The following PRPSAP2 variants were observed in gnomAD, a reference collection of about 807,000 sequenced individuals.
PRPSAP2 encodes the protein phosphoribosyl pyrophosphate synthase-associated protein 2.
PRPSAP2 carries 24 observed loss-of-function variants against 40.6 expected under a neutral mutation model. The ratio of observed to expected loss-of-function variants is 0.59; its 90% CI spans 0.43 to 0.83. The LOEUF (loss-of-function observed/expected upper bound fraction) is 0.83. PRPSAP2 is among the 40% of genes least tolerant of loss of function. The pLI, the probability that PRPSAP2 is intolerant of heterozygous loss-of-function variation, is 0.00. For synonymous variants in PRPSAP2, 149 were observed against 164.7 expected (o/e 0.90, Z 0.73); for missense variants, 292 against 465.6 (o/e 0.63, Z 3.43).
At chr17:18,928,640 G>A in intron 10 of PRPSAP2, 171 bp from the exon 11 acceptor site, 1 of 747,834 alleles carries the variant, frequency 1.3e-6, no homozygotes, top group South Asian at 1.5e-5. Flanking sequence ...GTACTGGAGG[G>A]CTGCCATGGG....
intron 6 of PRPSAP2, 125 bp downstream of exon 6, chr17:18,877,995 C>A: frequency 9.6e-7 from 1 of 1,042,638 alleles, no homozygotes; most frequent in Non-Finnish European, 1.4e-6. Context: ...GATCATAGCT[C>A]ACTGCAACTT....
intron 8 of PRPSAP2, among the ~76,000 whole-genome samples, chr17:18,910,365 T>C (rs190504745): frequency 8.6e-4 from 130 of 152,012 alleles, no homozygotes; most frequent in African/African-American, 3.0e-3. Flanking sequence ...GAGGTTGCAG[T>C]GAACTGAGAA....
intron 7 of PRPSAP2, among the ~76,000 whole-genome samples, chr17:18,887,467 G>A (rs1204622495): frequency 2.0e-5 from 3 of 151,464 alleles, no homozygotes; most frequent in African/African-American, 7.3e-5. Context: ...TGGCTCAGAT[G>A]TTCTGCCCAC....
intron 6 of PRPSAP2, among the ~76,000 whole-genome samples, 153 bp downstream of exon 6, chr17:18,878,023 C>T (rs891738712): frequency 6.6e-6 from 1 of 152,066 alleles, no homozygotes; most frequent in Non-Finnish European, 1.5e-5. Context: ...TACAGTCAAG[C>T]AGTCCACCAG....
intron 5 of PRPSAP2, among the ~76,000 whole-genome samples, chr17:18,873,008 AT>A (rs2151895501): frequency 6.6e-6 from 1 of 151,516 alleles, no homozygotes; most frequent in African/African-American, 2.4e-5. Context: ...CGCCTGGCTA[AT>A]TTTTGTATTT....
In PRPSAP2 at chr17:18,870,956, A is replaced by G. The variant is rs541017489; in HGVS notation, c.173-1627A>G. ...GTGAGACACCGCACCCAGCCCAACA[A>G]CAATTCTTTAATCATCTAATATATG... On this transcript the variant is annotated intron_variant, in intron 4 of 11. Transcript: ENST00000268835. Among the ~76,000 whole-genome samples the G allele has an allele frequency of 2.6e-5, 4 of 151,674 alleles. No homozygotes were observed. The South Asian group carries it at 8.3e-4, about 32-fold the overall frequency.
At position 18,882,689 on chromosome 17, in the gene PRPSAP2, C is replaced by A; in HGVS notation, c.528+6C>A. The A allele has an allele frequency of 6.6e-7, 1 of 1,507,926 alleles. No homozygotes were observed. The highest frequency in any genetic ancestry group is 9.2e-7 in the Non-Finnish European group (1 of 1,089,504). 93.4% of individuals were successfully genotyped at this position (1,507,926 alleles called of 1,614,324 possible). On this transcript the variant is annotated splice_donor_region_variant and intron_variant, in intron 7 of 11. Coordinates refer to ENST00000268835, the MANE Select transcript of PRPSAP2 (RefSeq NM_002767.4). ...TACAGTATATTCAAGAAGAGGTGAG[C>A]TAGCTCAAACTTTTTTATTTTAACA...
chr17:18,862,231 G>A (rs929473886), intron 1 of PRPSAP2, among the ~76,000 whole-genome samples: 3 of 152,188 alleles, frequency 2.0e-5, no homozygotes, highest in Admixed American at 6.5e-5. Context: ...GGCCCTCAGC[G>A]GATGTGGGCA....
chr17:18,875,727 G>A (rs1437542108), intron 5 of PRPSAP2, among the ~76,000 whole-genome samples: 6 of 151,686 alleles, frequency 4.0e-5, no homozygotes, highest in Admixed American at 6.6e-5. Flanking sequence ...GGTGATATGC[G>A]CTTCTAATTC....
intron 8 of PRPSAP2, among the ~76,000 whole-genome samples, chr17:18,909,435 G>A (rs1023733054): frequency 5.9e-5 from 9 of 151,796 alleles, no homozygotes; most frequent in Admixed American, 1.3e-4. Flanking sequence ...TAGTAGAGAC[G>A]GGGTTTCACC....
intron 8 of PRPSAP2, among the ~76,000 whole-genome samples, chr17:18,900,993 T>C (rs2040234797): frequency 6.6e-6 from 1 of 152,150 alleles, no homozygotes; most frequent in South Asian, 2.1e-4. Flanking sequence ...TTTGGCCTTC[T>C]GTGAAACCAC....
chr17:18,862,933 G>C (rs2037139234), intron 1 of PRPSAP2, among the ~76,000 whole-genome samples: 1 of 151,446 alleles, frequency 6.6e-6, no homozygotes, highest in South Asian at 2.1e-4. Flanking sequence ...CCATTTTCCT[G>C]CCTCAGCCTC....
chr17:18,863,394 C>G (rs1324487792), intron 1 of PRPSAP2, among the ~76,000 whole-genome samples: 3 of 151,766 alleles, frequency 2.0e-5, no homozygotes, highest in African/African-American at 4.8e-5. Flanking sequence ...CCTGGCCATA[C>G]CTTTTGTTCT....
At chr17:18,875,860 A>G (rs1225500112) in intron 5 of PRPSAP2, among the ~76,000 whole-genome samples, 1 of 151,098 alleles carries the variant, frequency 6.6e-6, no homozygotes, top group Non-Finnish European at 1.5e-5. Flanking sequence ...TCTCAAAAAA[A>G]AAAAAAAAAA....
intron 9 of PRPSAP2, among the ~76,000 whole-genome samples, chr17:18,920,766 T>C (rs1229299154): frequency 1.3e-5 from 2 of 152,178 alleles, no homozygotes; most frequent in African/African-American, 4.8e-5. Flanking sequence ...TATATAATAT[T>C]TGAAAATATT....
chr17:18,866,335 C>T (rs546731893), intron 3 of PRPSAP2, among the ~76,000 whole-genome samples: 19 of 152,126 alleles, frequency 1.2e-4, no homozygotes, highest in Admixed American at 4.6e-4. Context: ...GAGGCCAAGG[C>T]GGGTGTATCA....
At chr17:18,906,304 CTTCTGGGCTCAAGTGA>C (rs1443130535) in intron 8 of PRPSAP2, among the ~76,000 whole-genome samples, 1 of 152,146 alleles carries the variant, frequency 6.6e-6, no homozygotes, top group African/African-American at 2.4e-5. Flanking sequence ...CAGCCTTGAC[CTTCTGGGCTCAAGTGA>C]TTCTCCCACC....
chr17:18,869,491 T>C (rs2037682182), intron 4 of PRPSAP2, among the ~76,000 whole-genome samples: 1 of 150,752 alleles, frequency 6.6e-6, no homozygotes, highest in Non-Finnish European at 1.5e-5. Flanking sequence ...GTGGGCACCA[T>C]GCTGCCAGGC....
chr17:18,865,603 T>G, intron 2 of PRPSAP2, 39 bp downstream of exon 2: 1 of 215,858 alleles, frequency 4.6e-6, no homozygotes, highest in Non-Finnish European at 9.0e-6. Flanking sequence ...GTGAACATCA[T>G]GTGATAATGT....
Sources: allele counts gnomAD v4.1 joint callset (sites outside exome capture counted in the v4.1 genomes callset), GRCh38; gene constraint gnomAD v4.1.1; transcripts MANE v1.5; gene names NCBI Gene and HGNC (gene_info 2026-07-23, HGNC 2026-07-21).